IGF1R: variants seen among roughly 807,000 people sequenced by gnomAD.
The protein encoded by IGF1R is insulin-like growth factor 1 receptor.
IGF1R carries 44 observed loss-of-function variants against 144.6 expected under a neutral mutation model. The observed-to-expected ratio is 0.30, with a 90% CI of 0.24 to 0.39. The LOEUF is 0.39. Ranked by LOEUF, IGF1R falls within the 10% of genes least tolerant of loss-of-function variation. The probability of loss-of-function intolerance (pLI) is 1.00; values close to 1 mark genes in which losing one functional copy is unlikely to be tolerated. For missense variants in IGF1R, 1,355 were observed against 1,833.7 expected, an observed-to-expected ratio of 0.74 and a Z score of 4.77; for synonymous variants, 795 against 722.8, an observed-to-expected ratio of 1.10 and a Z score of -1.60.
intron 2 of IGF1R, among the ~76,000 whole-genome samples, chr15:98,754,905 C>T (rs1195562171): frequency 6.6e-6 from 1 of 152,142 alleles, no homozygotes; most frequent in East Asian, 1.9e-4. Flanking sequence ...CAGTGCTCAC[C>T]CTTCCTACCT....
intron 2 of IGF1R, among the ~76,000 whole-genome samples, chr15:98,810,085 C>T (rs1032828976): frequency 5.4e-5 from 8 of 148,500 alleles, no homozygotes; most frequent in African/African-American, 1.3e-4. Flanking sequence ...GCTACACACC[C>T]AGCTTTGGGA....
intron 1 of IGF1R, among the ~76,000 whole-genome samples, chr15:98,663,154 GGT>G (rs549264290): frequency 4.7e-4 from 72 of 152,312 alleles, no homozygotes; most frequent in Admixed American, 1.6e-3. Context: ...AGCTGAGGGA[GGT>G]GACTGGTGAG....
intron 2 of IGF1R, among the ~76,000 whole-genome samples, chr15:98,775,607 C>T (rs971451922): frequency 6.6e-6 from 1 of 152,192 alleles, no homozygotes; most frequent in African/African-American, 2.4e-5. Context: ...GGTCTTTGGC[C>T]ACCTCTGCAG....
At chr15:98,723,369 T>C (rs559116385) in intron 2 of IGF1R, among the ~76,000 whole-genome samples, 3 of 152,334 alleles carry the variant, frequency 2.0e-5, no homozygotes, top group Admixed American at 1.3e-4. Context: ...TGGAGAAATA[T>C]TAAATCTATG....
At chr15:98,871,799 A>G (rs553223788) in intron 2 of IGF1R, among the ~76,000 whole-genome samples, 1 of 152,344 alleles carries the variant, frequency 6.6e-6, no homozygotes, top group East Asian at 1.9e-4. Flanking sequence ...CCCTCCCACA[A>G]CATGTGGGAA....
chr15:98,786,915 T>C (rs190750471), intron 2 of IGF1R, among the ~76,000 whole-genome samples: 18 of 152,314 alleles, frequency 1.2e-4, no homozygotes, highest in Non-Finnish European at 2.2e-4. Context: ...AATTGATCCT[T>C]AGACATTCCT....
At chr15:98,736,521 G>T (rs1377792923) in intron 2 of IGF1R, among the ~76,000 whole-genome samples, 1 of 152,002 alleles carries the variant, frequency 6.6e-6, no homozygotes, top group Non-Finnish European at 1.5e-5. Context: ...GAAATTGGAG[G>T]CCACATTTAA....
At chr15:98,880,665 A>G (rs1394235892) in intron 2 of IGF1R, 1 of 152,206 alleles carries the variant, frequency 6.6e-6, no homozygotes, top group East Asian at 1.9e-4. Context: ...TTAATTTCAC[A>G]AGCTTGACAT....
chr15:98,886,317 G>A (rs1199011859), intron 2 of IGF1R, among the ~76,000 whole-genome samples: 4 of 152,158 alleles, frequency 2.6e-5, no homozygotes, highest in African/African-American at 9.7e-5. Flanking sequence ...TGAAGAGAAG[G>A]AGCTTTTAAG....
At position 98,922,406 on chromosome 15, in the gene IGF1R, C is replaced by T. The variant is rs769964962; in HGVS notation, c.2460C>T (p.Phe820=). Residue 820 remains phenylalanine, a synonymous_variant, in exon 11 of 21, where the codon TTC becomes TTT. Coordinates refer to ENST00000650285, the MANE Select transcript of IGF1R (RefSeq NM_000875.5). ...AEKLGCSASN[F]VFARTMPAEG... ...AGCTGGGCTGCAGCGCCTCCAACTT[C>T]GTCTTTGCAAGGACTATGCCCGCAG... The T allele has an allele frequency of 1.7e-5, 28 of 1,612,848 alleles. No individual in the cohort carries two copies. Among genetic ancestry groups the T allele is most frequent in the Middle Eastern group, 1.7e-4 (1 of 5,998 alleles).
At chr15:98,919,451 GC>G (rs2015395602) in intron 10 of IGF1R, among the ~76,000 whole-genome samples, 1 of 152,166 alleles carries the variant, frequency 6.6e-6, no homozygotes, top group Non-Finnish European at 1.5e-5. Flanking sequence ...TTGCTGAAAG[GC>G]CCCTTGCTTT....
In IGF1R at chr15:98,958,184, A is replaced by G. The variant is rs1028868880; in HGVS notation, c.*742A>G. On this transcript the variant is annotated 3_prime_UTR_variant, in exon 21 of 21. Coordinates refer to ENST00000650285, the MANE Select transcript of IGF1R (RefSeq NM_000875.5). Reference sequence around the variant, plus strand: ...CCCCTGCTGTGCTGCTCAAGGCCACAGGCACACAGGTCTCATTGCTTCTGA... The same window carrying G: ...CCCCTGCTGTGCTGCTCAAGGCCACGGGCACACAGGTCTCATTGCTTCTGA... 2 of 232,688 alleles carry G rather than the reference A, an allele frequency of 8.6e-6. No homozygotes were observed. The highest frequency in any genetic ancestry group is 5.6e-5 in the Admixed American group (1 of 17,754). 14.4% of individuals were successfully genotyped at this position (232,688 alleles called of 1,614,324 possible). A position where few individuals can be genotyped will look rare whatever the true frequency, so the allele number is the denominator to read the frequency against.
At chr15:98,905,344 G>A (rs2014681165) in intron 5 of IGF1R, among the ~76,000 whole-genome samples, 1 of 152,034 alleles carries the variant, frequency 6.6e-6, no homozygotes, top group Admixed American at 6.6e-5. Context: ...ATATCATAGA[G>A]CACATGGAAG....
intron 5 of IGF1R, among the ~76,000 whole-genome samples, chr15:98,906,880 C>T (rs1433009057): frequency 1.3e-5 from 2 of 152,208 alleles, no homozygotes; most frequent in Admixed American, 6.5e-5. Flanking sequence ...CACTTGTGTG[C>T]TCACTGCACC....
intron 20 of IGF1R, among the ~76,000 whole-genome samples, chr15:98,951,922 C>A (rs1019505284): frequency 6.6e-6 from 1 of 152,198 alleles, no homozygotes; most frequent in African/African-American, 2.4e-5. Flanking sequence ...TGGCTGTGTT[C>A]CAATACAGCT....
intron 2 of IGF1R, among the ~76,000 whole-genome samples, chr15:98,868,372 G>C (rs78137059): frequency 1.1e-4 from 10 of 87,188 alleles, no homozygotes; most frequent in African/African-American, 1.4e-4. Context: ...TTTTTTTTTG[G>C]GGGGGGGGTC....
intron 2 of IGF1R, among the ~76,000 whole-genome samples, chr15:98,728,775 T>C (rs1228367160): frequency 1.3e-5 from 2 of 152,252 alleles, no homozygotes; most frequent in Non-Finnish European, 2.9e-5. Flanking sequence ...AGTTTTTAAG[T>C]GGCTTCCTTT....
intron 2 of IGF1R, among the ~76,000 whole-genome samples, chr15:98,864,019 AG>A (rs2012297738): frequency 6.6e-6 from 1 of 152,142 alleles, no homozygotes; most frequent in Admixed American, 6.5e-5. Flanking sequence ...GCACTTTGGG[AG>A]GCCATAGGCA....
intron 10 of IGF1R, among the ~76,000 whole-genome samples, chr15:98,919,019 G>A (rs1005517460): frequency 6.6e-6 from 1 of 152,188 alleles, no homozygotes; most frequent in Non-Finnish European, 1.5e-5. Flanking sequence ...AGTGCCCAAG[G>A]CCATTTTCTT....
Sources: allele counts gnomAD v4.1 joint callset (sites outside exome capture counted in the v4.1 genomes callset), GRCh38; gene constraint gnomAD v4.1.1; transcripts MANE v1.5; gene names NCBI Gene and HGNC (gene_info 2026-07-23, HGNC 2026-07-21).